Variants in ZFYVE16 observed in about 807,000 individuals in gnomAD.
The protein encoded by ZFYVE16 is zinc finger FYVE domain-containing protein 16.
In ZFYVE16, 89 loss-of-function variants were observed where a neutral mutation model predicts 138.1. The ratio of observed to expected loss-of-function variants is 0.64; its 90% confidence interval spans 0.54 to 0.77. The LOEUF (loss-of-function observed/expected upper bound fraction) is 0.77, where lower values mean the gene tolerates loss of function less well. Ranked by LOEUF, ZFYVE16 falls within the 30% of genes least tolerant of loss-of-function variation. The pLI is 0.00. For synonymous variants in ZFYVE16, 596 were observed against 618.3 expected (o/e 0.96, Z 0.53); for missense variants, 1,793 against 1,786.7 (o/e 1.00, Z -0.06).
In ZFYVE16 at chr5:80,463,657, G is replaced by A. The variant is rs533412191; in HGVS notation, c.4024+4163G>A. ...CAGAAAATGGGTTTTTCTTTATCGC[G>A]TTATCAGGCTGCAAATTTTCCAAAC... is the stretch of plus-strand genomic sequence containing the variant. On this transcript the variant is annotated intron_variant, in intron 15 of 18. Transcript: ENST00000505560. Among the ~76,000 whole-genome samples, 209 of 152,112 alleles carry A rather than the reference G, an allele frequency of 1.4e-3. 2 individuals carry two copies. The South Asian group carries it at 0.04, about 29-fold the overall frequency.
chr5:80,475,133 G>A (rs1580379524), intron 18 of ZFYVE16, among the ~76,000 whole-genome samples: 2 of 152,326 alleles, frequency 1.3e-5, no homozygotes, highest in Middle Eastern at 6.8e-3. Context: ...AATTAAGTGT[G>A]GCTATGTTCC....
At chr5:80,414,680 T>TA (rs1303359906) in intron 1 of ZFYVE16, among the ~76,000 whole-genome samples, 1 of 152,184 alleles carries the variant, frequency 6.6e-6, no homozygotes, top group Non-Finnish European at 1.5e-5. Flanking sequence ...TGAACAAAAA[T>TA]ACAAGATTCA....
At chr5:80,447,059 C>A (rs1427288265) in intron 7 of ZFYVE16, among the ~76,000 whole-genome samples, 2 of 151,924 alleles carry the variant, frequency 1.3e-5, no homozygotes, top group East Asian at 3.9e-4. Flanking sequence ...GTCAGGAGTT[C>A]AAGACCGCCT....
rs1441967950 is a variant in ZFYVE16 at position 80,473,014 on chromosome 5, G to A, written c.4187+91G>A. On this transcript the variant is annotated intron_variant, in intron 16 of 18. Transcript: ENST00000505560. ...TAATAAAATTAAATATTTTATGAACGAATATATACTTATACCATCAATTTA... is the reference window on the plus strand; with the variant it reads ...TAATAAAATTAAATATTTTATGAACAAATATATACTTATACCATCAATTTA... 9.6e-6 allele frequency: 11 copies of A among 1,146,490 alleles called. No homozygotes were observed. In the South Asian group the frequency reaches 1.2e-4, roughly 12 times the overall value. 71.0% of individuals were successfully genotyped at this position (1,146,490 alleles called of 1,614,324 possible). A position where few individuals can be genotyped will look rare whatever the true frequency, so the allele number is the denominator to read the frequency against.
chr5:80,423,676 C>A (rs574216215), intron 1 of ZFYVE16, among the ~76,000 whole-genome samples: 25 of 152,154 alleles, frequency 1.6e-4, no homozygotes, highest in Admixed American at 4.6e-4. Context: ...GCTGGGACTA[C>A]GGGCACCCGC....
intron 15 of ZFYVE16, among the ~76,000 whole-genome samples, chr5:80,469,443 A>G (rs768915451): frequency 3.3e-5 from 5 of 151,648 alleles, no homozygotes; most frequent in African/African-American, 9.7e-5. Flanking sequence ...AGGTCTTCCT[A>G]TATTGCCCAG....
chr5:80,444,655 A>G (rs1339179494), intron 6 of ZFYVE16, among the ~76,000 whole-genome samples: 4 of 152,022 alleles, frequency 2.6e-5, no homozygotes, highest in African/African-American at 9.7e-5. Context: ...GTTAAATAAA[A>G]GAAAGAAATG....
intron 11 of ZFYVE16, chr5:80,454,452 G>T (rs1246519645): frequency 6.6e-6 from 1 of 151,722 alleles, no homozygotes; most frequent in African/African-American, 2.4e-5. Flanking sequence ...TTAGGTGGCC[G>T]ACCTCATGTC....
In ZFYVE16 at chr5:80,445,382, C is replaced by G; in HGVS notation, c.2701C>G (p.Pro901Ala). The part of the protein sequence containing the change: ...GSKRCSEDFS[P>A]LSPDVPMTVN... The stretch of plus-strand genomic sequence containing the variant: ...TAAAAGATGTTCTGAAGACTTTAGT[C>G]CTCTCTCACCTGATGTGCCTATGGT... The change falls in exon 7 of 19, where the codon CCT (proline) becomes GCT (alanine). Residue 901 changes from proline to alanine, a missense_variant. By Grantham distance (27) the Pro-to-Ala change is conservative. Coordinates refer to ENST00000505560, the MANE Select transcript of ZFYVE16 (RefSeq NM_001284236.3). 1.2e-6 allele frequency: 2 copies of G among 1,613,528 alleles called. No homozygotes were observed. The highest frequency in any genetic ancestry group is 1.7e-6 in the Non-Finnish European group (2 of 1,179,834).
intron 18 of ZFYVE16, among the ~76,000 whole-genome samples, chr5:80,476,755 GCACT>G (rs1257557209): frequency 6.6e-6 from 1 of 152,176 alleles, no homozygotes; most frequent in Non-Finnish European, 1.5e-5. Context: ...TTTCAAGGAA[GCACT>G]CACTATTTGT....
chr5:80,445,433 G>T, intron 7 of ZFYVE16, 28 bp downstream of exon 7: 1 of 1,586,886 alleles, frequency 6.3e-7, no homozygotes, highest in South Asian at 1.2e-5. Flanking sequence ...TAACTTAATT[G>T]ACTAAACAAA....
chr5:80,453,367 T>G (rs1752182911), intron 11 of ZFYVE16, among the ~76,000 whole-genome samples: 1 of 152,226 alleles, frequency 6.6e-6, no homozygotes, highest in Admixed American at 6.5e-5. Context: ...ATTTGAATGC[T>G]TTTTTAAATA....
At chr5:80,419,776 C>A (rs888654423) in intron 1 of ZFYVE16, among the ~76,000 whole-genome samples, 33 of 151,950 alleles carry the variant, frequency 2.2e-4, no homozygotes, top group African/African-American at 7.7e-4. Flanking sequence ...ATCTAGAGAT[C>A]AGGTTGGGAA....
At chr5:80,449,277 C>T (rs879933411) in intron 8 of ZFYVE16, among the ~76,000 whole-genome samples, 1 of 152,050 alleles carries the variant, frequency 6.6e-6, no homozygotes, top group East Asian at 1.9e-4. Flanking sequence ...GGAGTGCTTA[C>T]CAAACTGGAA....
At chr5:80,458,352 G>A (rs1184258951) in intron 14 of ZFYVE16, among the ~76,000 whole-genome samples, 1 of 151,746 alleles carries the variant, frequency 6.6e-6, no homozygotes, top group Non-Finnish European at 1.5e-5. Flanking sequence ...CTCCCTACAG[G>A]CAACCAAACC....
intron 15 of ZFYVE16, among the ~76,000 whole-genome samples, chr5:80,470,096 T>TA (rs1191796506): frequency 6.1e-5 from 3 of 49,198 alleles, no homozygotes; most frequent in East Asian, 2.0e-3. Context: ...TGTGTGTGTG[T>TA]GTGTATTTTT....
In ZFYVE16 at chr5:80,457,969, T is replaced by C. The variant is rs1229109656; in HGVS notation, c.3943+877T>C. The stretch of plus-strand genomic sequence containing the variant: ...TGAACCCGGGAGGCGGAGCTTGCAG[T>C]GAGCCCAGATCGTGCCACTGCACTC... On this transcript the variant is annotated intron_variant, in intron 14 of 18. Coordinates refer to ENST00000505560, the MANE Select transcript of ZFYVE16 (RefSeq NM_001284236.3). Among the ~76,000 whole-genome samples, 3 of 142,672 alleles carry C rather than the reference T, an allele frequency of 2.1e-5. No homozygotes were observed. In the East Asian group the frequency reaches 6.2e-4, roughly 29 times the overall value. The allele number at this position is 142,672 out of a possible 152,430, so 93.6% of individuals were successfully genotyped here.
Position 80,438,362 on chromosome 5 carries a change from G to C in ZFYVE16, c.1677G>C (p.Ser559=). 1 of 1,613,386 alleles carries C rather than the reference G, an allele frequency of 6.2e-7. No individual in the cohort carries two copies. Among genetic ancestry groups the C allele is most frequent in the Non-Finnish European group, 8.5e-7 (1 of 1,179,820 alleles). Residue 559 remains serine (S), a synonymous_variant, in exon 4 of 19, where the codon TCG becomes TCC. Coordinates refer to ENST00000505560, the MANE Select transcript of ZFYVE16 (RefSeq NM_001284236.3). ...SFEENVNDSK[S]QMNQIDMKGL... ...AAGAAAATGTAAATGACTCTAAATC[G>C]CAAATGAATCAGATAGATATGAAAG...
chr5:80,426,244 G>T (rs1477034342), intron 1 of ZFYVE16, among the ~76,000 whole-genome samples: 1 of 108,342 alleles, frequency 9.2e-6, no homozygotes, highest in Non-Finnish European at 1.9e-5. Context: ...GTGTGTGTCT[G>T]TGTGTGTGTG....
Sources: gnomAD v4.1 joint callset for allele counts (sites outside exome capture counted in the v4.1 genomes callset) on GRCh38, gnomAD v4.1.1 for gene constraint, MANE v1.5 for transcripts, NCBI Gene and HGNC (gene_info 2026-07-23, HGNC 2026-07-21) for gene names.